The following GRIP1 variants were observed in gnomAD, a reference collection of about 807,000 sequenced individuals.
GRIP1 encodes glutamate receptor interacting protein 1, also known as glutamate receptor-interacting protein 1.
Under a neutral mutation model 129.9 loss-of-function variants are expected in GRIP1, and 45 were observed. The observed-to-expected ratio is 0.35, with a 90% confidence interval of 0.27 to 0.44. The LOEUF (loss-of-function observed/expected upper bound fraction) is 0.44. Among genes scored for constraint, GRIP1 ranks in the 20% least tolerant of loss-of-function variants. The pLI, the probability that GRIP1 is intolerant of heterozygous loss-of-function variation, is 1.00. For synonymous variants in GRIP1, 530 were observed against 520.8 expected (o/e 1.02, Z -0.24); for missense variants, 1,196 against 1,396.8 (o/e 0.86, Z 2.29).
chr12:66,864,265 CCAAA>C (rs946628521), intron 1 of GRIP1, among the ~76,000 whole-genome samples: 3 of 152,028 alleles, frequency 2.0e-5, no homozygotes, highest in African/African-American at 4.8e-5. Context: ...TCCTATCCAT[CCAAA>C]CAGTCTATAA....
rs143856894 is a variant in GRIP1, at chr12:67,064,395, T to A, written c.58+4655A>T. Among the ~76,000 whole-genome samples, 12 of 152,330 alleles carry A rather than the reference T, an allele frequency of 7.9e-5. No individual in the cohort carries two copies. In the East Asian group the frequency reaches 2.1e-3, roughly 27 times the overall value. ...TCTCTTTAGAAATAAATGCCCTAAG[T>A]CTTGGCTTTATAAGTTCTGGCAAAT... On this transcript the variant is annotated intron_variant, in intron 1 of 1. Coordinates refer to the GRIP1 transcript ENST00000643019.
intron 1 of GRIP1, among the ~76,000 whole-genome samples, chr12:66,616,913 G>T (rs73127126): frequency 6.6e-6 from 1 of 151,996 alleles, no homozygotes; most frequent in Admixed American, 6.6e-5. Flanking sequence ...TTCCAGATGT[G>T]AACGGAAACC....
chr12:66,481,680 A>T (rs2059810524), intron 7 of GRIP1, among the ~76,000 whole-genome samples: 1 of 152,204 alleles, frequency 6.6e-6, no homozygotes, highest in Non-Finnish European at 1.5e-5. Context: ...TCACAATAGC[A>T]AAGACTTGGA....
At chr12:66,497,261 G>A (rs1273038268) in intron 7 of GRIP1, among the ~76,000 whole-genome samples, 1 of 152,210 alleles carries the variant, frequency 6.6e-6, no homozygotes, top group East Asian at 1.9e-4. Context: ...TGAAGGAAAA[G>A]TAAGGGCTCC....
upstream of GRIP1, chr12:67,069,308 G>GGGCGGCGGCGGCGGCGGC (rs71088240): frequency 2.1e-5 from 3 of 140,772 alleles, no homozygotes; most frequent in African/African-American, 5.1e-5. Context: ...CGGCGGCTCC[G>GGGCGGCGGCGGCGGCGGC]GGCGGCGGCG....
intron 1 of GRIP1, among the ~76,000 whole-genome samples, chr12:66,914,607 T>C (rs999977281): frequency 3.3e-5 from 5 of 152,212 alleles, no homozygotes; most frequent in African/African-American, 1.2e-4. Flanking sequence ...AGCATTATGA[T>C]AGGGATACAT....
At chr12:66,437,885 G>A (rs923842) in intron 13 of GRIP1, among the ~76,000 whole-genome samples, 100,725 of 152,098 alleles carry the variant, frequency 0.66, 34,589 homozygotes, top group Non-Finnish European at 0.77. Context: ...AGTCAGTGCA[G>A]TGTGATATGG....
chr12:66,600,190 T>G (rs895333020), intron 1 of GRIP1, among the ~76,000 whole-genome samples: 2 of 152,224 alleles, frequency 1.3e-5, no homozygotes, highest in African/African-American at 4.8e-5. Context: ...GCTTTTCAGT[T>G]CATTTCCTTG....
At chr12:66,899,625 A>C (rs1200906381) in intron 1 of GRIP1, among the ~76,000 whole-genome samples, 3 of 152,122 alleles carry the variant, frequency 2.0e-5, no homozygotes. Flanking sequence ...TTGGCCTCCC[A>C]AAGCACTGGG....
chr12:66,931,879 C>T (rs1463939707), intron 1 of GRIP1, among the ~76,000 whole-genome samples: 1 of 151,914 alleles, frequency 6.6e-6, no homozygotes, highest in East Asian at 1.9e-4. Context: ...TTATATGGCC[C>T]CAATATTGGC....
intron 1 of GRIP1, among the ~76,000 whole-genome samples, chr12:66,674,934 T>C (rs2034255420): frequency 6.6e-6 from 1 of 152,286 alleles, no homozygotes; most frequent in East Asian, 1.9e-4. Context: ...AGCAGTTCCC[T>C]GCCAGCCACA....
At chr12:66,528,171 A>T (rs2061327535) in intron 5 of GRIP1, among the ~76,000 whole-genome samples, 2 of 130,234 alleles carry the variant, frequency 1.5e-5, no homozygotes, top group South Asian at 4.9e-4. Flanking sequence ...GTCTGGCTCT[A>T]TCACCCAGGC....
chr12:66,956,733 G>A (rs1167196102), intron 1 of GRIP1, among the ~76,000 whole-genome samples: 1 of 152,080 alleles, frequency 6.6e-6, no homozygotes, highest in East Asian at 1.9e-4. Flanking sequence ...CTTTTACTAG[G>A]GAATGGTATT....
At chr12:66,514,048 C>T (rs1057440279) in intron 7 of GRIP1, among the ~76,000 whole-genome samples, 10 of 152,168 alleles carry the variant, frequency 6.6e-5, no homozygotes, top group Admixed American at 5.2e-4. Context: ...CCAACCCTCA[C>T]CTGTGCCTGC....
At chr12:66,410,066 C>T (rs1018036735) in intron 15 of GRIP1, among the ~76,000 whole-genome samples, 2 of 148,956 alleles carry the variant, frequency 1.3e-5, no homozygotes, top group Admixed American at 6.7e-5. Flanking sequence ...CCGGCTAAAA[C>T]GGTGAAACCC....
At chr12:66,989,765 T>C (rs1292709911) in intron 1 of GRIP1, among the ~76,000 whole-genome samples, 10 of 152,162 alleles carry the variant, frequency 6.6e-5, no homozygotes. Context: ...TTATAGGAAA[T>C]GGAATCCCTG....
chr12:66,514,542 G>T (rs1052676441), intron 7 of GRIP1, among the ~76,000 whole-genome samples: 2 of 151,926 alleles, frequency 1.3e-5, no homozygotes, highest in Non-Finnish European at 2.9e-5. Context: ...AGAAAGAAAG[G>T]AAGGAAGGAA....
intron 5 of GRIP1, among the ~76,000 whole-genome samples, chr12:66,522,906 C>A (rs12811770): frequency 0.47 from 71,979 of 151,750 alleles, 17,330 homozygotes; most frequent in African/African-American, 0.56. Context: ...AGCCGATGCG[C>A]TCAACTGGAA....
At chr12:67,030,929 C>T (rs1291727322) in intron 1 of GRIP1, among the ~76,000 whole-genome samples, 5 of 151,496 alleles carry the variant, frequency 3.3e-5, no homozygotes, top group Non-Finnish European at 2.9e-5. Flanking sequence ...AGCAACTGCT[C>T]GGTTAGCTGT....
Sources: allele counts gnomAD v4.1 joint callset (sites outside exome capture counted in the v4.1 genomes callset), GRCh38; gene constraint gnomAD v4.1.1; transcripts MANE v1.5; gene names NCBI Gene and HGNC (gene_info 2026-07-23, HGNC 2026-07-21).